The following PRKD1 variants were observed in gnomAD, a reference collection of about 807,000 sequenced individuals.
PRKD1 encodes protein kinase D1.
In PRKD1, 63 loss-of-function variants were observed where a neutral mutation model predicts 95.9. The ratio of observed to expected loss-of-function variants is 0.66; its 90% confidence interval spans 0.54 to 0.81. PRKD1 has a LOEUF of 0.81. Among genes scored for constraint, PRKD1 ranks in the 30% least tolerant of loss-of-function variants. PRKD1 has a pLI of 0.00. For missense variants in PRKD1, 1,048 were observed against 1,165.3 expected (o/e 0.90, Z 1.47); for synonymous variants, 425 against 423.1 (o/e 1.00, Z -0.05).
rs747681273 is a variant in PRKD1, at chr14:29,725,526, A to G, written c.403+10T>C. 6.8e-6 allele frequency: 11 copies of G among 1,611,162 alleles called. No individual in the cohort carries two copies. Among genetic ancestry groups the G allele is most frequent in the Non-Finnish European group, 9.3e-6 (11 of 1,178,570 alleles). On this transcript the variant is annotated intron_variant, in intron 2 of 17. Transcript: ENST00000331968. Reference sequence around the variant, plus strand: ...TCTACGGATAAAGAAAAGGTATAAAAGTATACTACCTGACAAGACCACTTC... The same window carrying G: ...TCTACGGATAAAGAAAAGGTATAAAGGTATACTACCTGACAAGACCACTTC...
At chr14:29,915,603 C>T (rs1894863705) in intron 1 of PRKD1, among the ~76,000 whole-genome samples, 1 of 152,122 alleles carries the variant, frequency 6.6e-6, no homozygotes. Flanking sequence ...TAAGAGAATC[C>T]TTGTAGTAGT....
rs45515300 is a variant in PRKD1 at position 29,794,787 on chromosome 14, G to A, written c.265-69113C>T. Among the ~76,000 whole-genome samples, 608 of 151,982 alleles carry A rather than the reference G, an allele frequency of 4.0e-3. 5 individuals are homozygous for A. Among genetic ancestry groups the A allele is most frequent in the African/African-American group, 0.014 (563 of 41,466 alleles). ...ATTTTATTTTGAATTGTTTTCTTGA[G>A]GAAGTCTCAAAAATAGAAGCCAAAA... On this transcript the variant is annotated intron_variant, in intron 1 of 17. Coordinates refer to ENST00000331968, the MANE Select transcript of PRKD1 (RefSeq NM_002742.3).
intron 2 of PRKD1, among the ~76,000 whole-genome samples, chr14:29,703,872 GCCTTT>G: frequency 6.6e-6 from 1 of 152,238 alleles, no homozygotes; most frequent in African/African-American, 2.4e-5. Context: ...TGTGGCCATG[GCCTTT>G]CACATGGCCT....
rs1886102991 is a variant in PRKD1, at chr14:29,725,639, C to A, written c.300G>T (p.Lys100Asn). 2 of 1,613,642 alleles carry A rather than the reference C, an allele frequency of 1.2e-6. No homozygotes were observed. The highest frequency in any genetic ancestry group is 1.3e-5 in the African/African-American group (1 of 74,990). Residue 100 changes from lysine to asparagine, a missense_variant, in exon 2 of 18, where the codon AAG (lysine) becomes AAT (asparagine). Physicochemically the swap from Lys to Asn is moderately conservative, Grantham distance 94 (BLOSUM62 0). Around this residue, in one of 3 missense-constraint regions of PRKD1, gnomAD observed 275 missense variants for 248.6 expected, o/e 1.11. Coordinates refer to ENST00000331968, the MANE Select transcript of PRKD1 (RefSeq NM_002742.3). ...TAGGGTCATGGCGAAAAAGCAGGAT[C>A]TTATCATACATTCCGTAGAAACCAC... The part of the protein sequence containing the change: ...PECGFYGMYD[K>N]ILLFRHDPTS...
intron 13 of PRKD1, among the ~76,000 whole-genome samples, chr14:29,621,396 C>T (rs1178378247): frequency 6.6e-6 from 1 of 151,900 alleles, no homozygotes; most frequent in Non-Finnish European, 1.5e-5. Context: ...CTCTTTCTCT[C>T]TCTCTCTTTC....
At chr14:29,693,321 G>A (rs1299794307) in intron 2 of PRKD1, among the ~76,000 whole-genome samples, 1 of 151,952 alleles carries the variant, frequency 6.6e-6, no homozygotes, top group African/African-American at 2.4e-5. Flanking sequence ...AAGGATTGTT[G>A]GGAACTCTGT....
intron 2 of PRKD1, among the ~76,000 whole-genome samples, chr14:29,713,727 C>A (rs959201043): frequency 6.6e-6 from 1 of 152,038 alleles, no homozygotes; most frequent in Admixed American, 6.6e-5. Context: ...TTCTTTTTCT[C>A]TTTTCTACTT....
chr14:29,752,017 T>C (rs1446622531), intron 1 of PRKD1, among the ~76,000 whole-genome samples: 1 of 152,198 alleles, frequency 6.6e-6, no homozygotes, highest in Non-Finnish European at 1.5e-5. Flanking sequence ...ACAGAAATAT[T>C]TGCTGTTTCC....
At chr14:29,916,963 A>G (rs146809312) in intron 1 of PRKD1, among the ~76,000 whole-genome samples, 69 of 152,258 alleles carry the variant, frequency 4.5e-4, no homozygotes, top group African/African-American at 1.6e-3. Context: ...TTTTGTAATG[A>G]TAAGAACTCC....
rs1237107021 is a variant in PRKD1, at chr14:29,599,811, G to A, written c.1912C>T (p.His638Tyr). 1.2e-6 allele frequency: 2 copies of A among 1,606,586 alleles called. No homozygotes were observed. The highest frequency in any genetic ancestry group is 1.7e-6 in the Non-Finnish European group (2 of 1,178,110). The part of the protein sequence containing the change: ...RNEVAILQNL[H>Y]HPGVVNLECM... ...TCCAAATTTACAACACCAGGGTGAT[G>A]AAGGTTCTATTAAAGATAAATAAAG... is the stretch of plus-strand genomic sequence containing the variant. The change falls in exon 14 of 18, where the codon CAT becomes TAT. Residue 638 changes from histidine to tyrosine, a missense_variant. His to Tyr is a moderately conservative substitution (Grantham distance 83). Coordinates refer to ENST00000331968, the MANE Select transcript of PRKD1 (RefSeq NM_002742.3).
At chr14:29,843,364 C>CT (rs1891943372) in intron 1 of PRKD1, among the ~76,000 whole-genome samples, 1 of 152,124 alleles carries the variant, frequency 6.6e-6, no homozygotes, top group African/African-American at 2.4e-5. Context: ...GTCACCCATT[C>CT]TGTGGGACTT....
In PRKD1 at chr14:29,886,961, C is replaced by T. The variant is rs147105704; in HGVS notation, c.264+40288G>A. ...TGTCATTTCAACACACAATGATTGACATTTGACATCAAGTAGTCCTCTGGA... is the reference window on the plus strand; with the variant it reads ...TGTCATTTCAACACACAATGATTGATATTTGACATCAAGTAGTCCTCTGGA... On this transcript the variant is annotated intron_variant, in intron 1 of 17. Coordinates refer to ENST00000331968, the MANE Select transcript of PRKD1 (RefSeq NM_002742.3). Among the ~76,000 whole-genome samples the T allele has an allele frequency of 2.8e-3, 428 of 152,320 alleles. 2 individuals are homozygous for T. The highest frequency in any genetic ancestry group is 9.8e-3 in the African/African-American group (409 of 41,578).
chr14:29,732,382 G>A (rs1176420683), intron 1 of PRKD1, among the ~76,000 whole-genome samples: 3 of 144,850 alleles, frequency 2.1e-5, no homozygotes, highest in Non-Finnish European at 4.6e-5. Flanking sequence ...CACACACAAT[G>A]ACCTTAAAGC....
chr14:29,731,427 C>G (rs1018961748), intron 1 of PRKD1, among the ~76,000 whole-genome samples: 14 of 152,102 alleles, frequency 9.2e-5, no homozygotes, highest in Admixed American at 1.3e-4. Context: ...TGTTGGGTGG[C>G]AAGTTCTATA....
intron 2 of PRKD1, among the ~76,000 whole-genome samples, chr14:29,685,379 G>C (rs1230527945): frequency 3.3e-5 from 5 of 152,198 alleles, no homozygotes; most frequent in Non-Finnish European, 7.3e-5. Flanking sequence ...ATCATCTGCA[G>C]GGAAGCTTCA....
At chr14:29,636,154 G>T in intron 7 of PRKD1, 136 bp downstream of exon 7, 1 of 1,047,866 alleles carries the variant, frequency 9.5e-7, no homozygotes, top group Non-Finnish European at 1.4e-6. Context: ...CTCATTTACA[G>T]CACGCAGTTC....
chr14:29,739,050 G>GA, intron 1 of PRKD1, among the ~76,000 whole-genome samples: 1 of 152,054 alleles, frequency 6.6e-6, no homozygotes, highest in African/African-American at 2.4e-5. Flanking sequence ...TGGCCAGGCT[G>GA]ATCTTAAACT....
chr14:29,808,187 T>C (rs755265048), intron 1 of PRKD1, among the ~76,000 whole-genome samples: 29 of 152,052 alleles, frequency 1.9e-4, no homozygotes, highest in Non-Finnish European at 3.4e-4. Context: ...CTTTATCAAC[T>C]AAGTTTATGT....
chr14:29,865,945 T>C (rs2139368048), intron 1 of PRKD1, among the ~76,000 whole-genome samples: 1 of 152,308 alleles, frequency 6.6e-6, no homozygotes, highest in Non-Finnish European at 1.5e-5. Flanking sequence ...ACAATTCAGG[T>C]TTATAAGATA....
Sources: allele counts gnomAD v4.1 joint callset (sites outside exome capture counted in the v4.1 genomes callset), GRCh38; gene constraint gnomAD v4.1.1; regional missense constraint gnomAD v4.1.1; transcripts MANE v1.5; gene names NCBI Gene and HGNC (gene_info 2026-07-23, HGNC 2026-07-21).